Variants in GNG12 observed in about 807,000 individuals in gnomAD.
The protein encoded by GNG12 is guanine nucleotide-binding protein G(I)/G(S)/G(O) subunit gamma-12.
For missense variants in GNG12, 69 were observed against 83.8 expected (o/e 0.82, Z 0.69); for synonymous variants, 28 against 29.7 (o/e 0.94, Z 0.19).
intron 2 of GNG12, among the ~76,000 whole-genome samples, chr1:67,757,487 T>G (rs546910821): frequency 6.6e-6 from 1 of 152,176 alleles, no homozygotes; most frequent in African/African-American, 2.4e-5. Context: ...AGCTCTTTAA[T>G]GACAAAGCCA....
intron 2 of GNG12, among the ~76,000 whole-genome samples, chr1:67,735,434 G>C (rs1646447613): frequency 6.6e-6 from 1 of 152,216 alleles, no homozygotes; most frequent in African/African-American, 2.4e-5. Flanking sequence ...GAGTTATTAG[G>C]AACAGGGCTT....
chr1:67,826,489 C>T (rs571373105), intron 1 of GNG12, among the ~76,000 whole-genome samples: 1 of 152,324 alleles, frequency 6.6e-6, no homozygotes, highest in African/African-American at 2.4e-5. Context: ...ACATCCAACC[C>T]TCCCATGACA....
chr1:67,710,801 C>G (rs1379669456), intron 2 of GNG12, among the ~76,000 whole-genome samples: 1 of 152,194 alleles, frequency 6.6e-6, no homozygotes, highest in Non-Finnish European at 1.5e-5. Flanking sequence ...TACTCAGAGG[C>G]TCCCTGCTCC....
In GNG12 at chr1:67,830,180, T is replaced by C. The variant is rs1003398866; in HGVS notation, c.-77+3164A>G. ...GCCATCACGCCTGGTTTATTTTGTA[T>C]TTTTAGTAGAGATGGGGTTTCTCCA... On this transcript the variant is annotated intron_variant, in intron 1 of 3. Coordinates refer to ENST00000370982, the MANE Select transcript of GNG12 (RefSeq NM_018841.6). Among the ~76,000 whole-genome samples, 12 of 152,156 alleles carry C rather than the reference T, an allele frequency of 7.9e-5. 1 individual carries two copies. The highest frequency in any genetic ancestry group is 2.2e-4 in the African/African-American group (9 of 41,432).
intron 1 of GNG12, among the ~76,000 whole-genome samples, chr1:67,818,449 A>G (rs2100818462): frequency 7.7e-6 from 1 of 130,156 alleles, no homozygotes; most frequent in Middle Eastern, 4.9e-3. Context: ...TTTACTTCCA[A>G]TTCAATATGG....
rs141865346 is a variant in GNG12, at chr1:67,828,332, T to C, written c.-77+5012A>G. ...ATGTTTCTCTTGATTAGTTTTATAG[T>C]TTTTAAGCAAAACTGACTCCATAAA... On this transcript the variant is annotated intron_variant, in intron 1 of 3. Transcript: ENST00000370982. Among the ~76,000 whole-genome samples, 316 of 152,272 alleles carry C rather than the reference T, an allele frequency of 2.1e-3. 1 individual carries two copies. Among genetic ancestry groups the C allele is most frequent in the African/African-American group, 7.5e-3 (312 of 41,538 alleles).
At position 67,833,208 on chromosome 1, in the gene GNG12, C is replaced by T. The variant is rs541040821; in HGVS notation, c.-77+136G>A. The stretch of plus-strand genomic sequence containing the variant: ...CTCTTCCCTCCTTCCTTCCTTCCTC[C>T]GCTCCCTCCCTCCATCTCGCTTCCC... On this transcript the variant is annotated intron_variant, in intron 1 of 3. Coordinates refer to ENST00000370982, the MANE Select transcript of GNG12 (RefSeq NM_018841.6). The T allele has an allele frequency of 1.5e-4, 25 of 172,248 alleles. No homozygotes were observed. The South Asian group carries it at 4.7e-3, about 33-fold the overall frequency. The allele number at this position is 172,248 out of a possible 1,614,324, so 10.7% of individuals were successfully genotyped here. A position where few individuals can be genotyped will look rare whatever the true frequency, so the allele number is the denominator to read the frequency against.
chr1:67,820,406 G>T (rs1646978492), intron 1 of GNG12, among the ~76,000 whole-genome samples: 1 of 151,412 alleles, frequency 6.6e-6, no homozygotes, highest in African/African-American at 2.4e-5. Context: ...GATCAACTTG[G>T]AGCTTATTAA....
At chr1:67,721,716 C>T (rs1646357266) in intron 2 of GNG12, among the ~76,000 whole-genome samples, 1 of 152,160 alleles carries the variant, frequency 6.6e-6, no homozygotes, top group South Asian at 2.1e-4. Context: ...TATCAATCTG[C>T]CTAAGAAAAG....
chr1:67,725,115 C>T (rs893607066), intron 2 of GNG12, among the ~76,000 whole-genome samples: 16 of 152,118 alleles, frequency 1.1e-4, no homozygotes, highest in Admixed American at 1.0e-3. Flanking sequence ...ACAATCTGGG[C>T]CCTCTGCCCA....
At position 67,706,717 on chromosome 1, in the gene GNG12, G is replaced by A. The variant is rs765016384; in HGVS notation, c.93+877C>T. Among the ~76,000 whole-genome samples, 114 of 149,966 alleles carry A rather than the reference G, an allele frequency of 7.6e-4. 1 individual carries two copies. Among genetic ancestry groups the A allele is most frequent in the Non-Finnish European group, 2.5e-4 (17 of 67,754 alleles). On this transcript the variant is annotated intron_variant, in intron 3 of 3. Transcript: ENST00000370982. ...GTTGCCCAGGCTGGAGTGCAATGGCGCGATCTTGGTTCACTGCAACCTCTG... is the reference window on the plus strand; with the variant it reads ...GTTGCCCAGGCTGGAGTGCAATGGCACGATCTTGGTTCACTGCAACCTCTG...
chr1:67,748,367 AACCAT>A (rs1276948977), intron 2 of GNG12, among the ~76,000 whole-genome samples: 1 of 152,228 alleles, frequency 6.6e-6, no homozygotes, highest in African/African-American at 2.4e-5. Flanking sequence ...GTAGTCCTGA[AACCAT>A]ACCATAGGCT....
chr1:67,809,298 C>A (rs1646910221), intron 1 of GNG12, among the ~76,000 whole-genome samples: 1 of 152,066 alleles, frequency 6.6e-6, no homozygotes, highest in Admixed American at 6.6e-5. Context: ...CAAAATTGAT[C>A]ACAGAACTAA....
chr1:67,817,579 C>CG (rs963262984), intron 1 of GNG12, among the ~76,000 whole-genome samples: 4 of 152,022 alleles, frequency 2.6e-5, no homozygotes, highest in Non-Finnish European at 4.4e-5. Context: ...CCGGCACACC[C>CG]CTCCTCTGTG....
At chr1:67,793,695 AC>A (rs1337027893) in intron 1 of GNG12, among the ~76,000 whole-genome samples, 25 of 152,132 alleles carry the variant, frequency 1.6e-4, no homozygotes, top group Non-Finnish European at 3.1e-4. Context: ...GCCAACATAA[AC>A]CCCACACTGG....
intron 1 of GNG12, among the ~76,000 whole-genome samples, chr1:67,787,453 C>T (rs1476574316): frequency 6.6e-6 from 1 of 152,036 alleles, no homozygotes; most frequent in African/African-American, 2.4e-5. Flanking sequence ...CAAGTGGAGT[C>T]CTTATTAACA....
At chr1:67,784,956 C>T (rs930522140) in intron 1 of GNG12, among the ~76,000 whole-genome samples, 4 of 152,084 alleles carry the variant, frequency 2.6e-5, no homozygotes, top group Non-Finnish European at 5.9e-5. Flanking sequence ...GTTGCCTGTA[C>T]GGCAGAGAAA....
intron 2 of GNG12, among the ~76,000 whole-genome samples, chr1:67,754,408 C>A (rs980008573): frequency 1.3e-5 from 2 of 152,178 alleles, no homozygotes; most frequent in Admixed American, 6.5e-5. Flanking sequence ...GTTCTGGACT[C>A]CCCACTCCTC....
intron 2 of GNG12, among the ~76,000 whole-genome samples, chr1:67,726,536 T>A (rs1482948255): frequency 6.6e-6 from 1 of 152,208 alleles, no homozygotes; most frequent in African/African-American, 2.4e-5. Flanking sequence ...AGTTGAGTGA[T>A]AAGGGCTTGA....
Sources: allele counts gnomAD v4.1 joint callset (sites outside exome capture counted in the v4.1 genomes callset), GRCh38; gene constraint gnomAD v4.1.1; transcripts MANE v1.5; gene names NCBI Gene and HGNC (gene_info 2026-07-23, HGNC 2026-07-21).